The following GLO1 variants were observed in gnomAD, a reference collection of about 807,000 sequenced individuals.
The protein encoded by GLO1 is glyoxalase I.
GLO1 carries 28 observed loss-of-function variants against 26.0 expected under a neutral mutation model. The observed-to-expected ratio is 1.08, with a 90% CI of 0.80 to 1.48. GLO1 has a LOEUF of 1.48. Ranked by LOEUF, GLO1 falls within the 40% of genes most tolerant of loss-of-function variation. The probability of loss-of-function intolerance (pLI) is 0.00; values close to 1 mark genes in which losing one functional copy is unlikely to be tolerated. For synonymous variants in GLO1, 78 were observed against 77.6 expected (o/e 1.00, Z -0.03); for missense variants, 225 against 224.8 (o/e 1.00, Z -0.01).
At chr6:38,678,744 C>T (rs1761316456) in intron 5 of GLO1, among the ~76,000 whole-genome samples, 1 of 152,190 alleles carries the variant, frequency 6.6e-6, no homozygotes, top group African/African-American at 2.4e-5. Flanking sequence ...TCTCTCCACG[C>T]CCAGGGCTAG....
chr6:38,701,162 G>A (rs77561983), intron 1 of GLO1, among the ~76,000 whole-genome samples: 1 of 147,686 alleles, frequency 6.8e-6, no homozygotes, highest in Non-Finnish European at 1.5e-5. Context: ...ACAGGGTGGA[G>A]GTTGGAAGTG....
chr6:38,688,852 A>C (rs1001285679), intron 1 of GLO1, among the ~76,000 whole-genome samples: 1 of 152,258 alleles, frequency 6.6e-6, no homozygotes, highest in Non-Finnish European at 1.5e-5. Flanking sequence ...AGTGGACTTT[A>C]AAATGGGATT....
In GLO1 at chr6:38,682,055, C is replaced by G. The variant is rs763406721; in HGVS notation, c.423G>C (p.Arg141Ser). ...AVPDVYSACK[R>S]FEELGVKFVK... ...CAAATTTGACTCCCAGTTCTTCAAA[C>G]CTTTTACAAGCACTGTATACATCAG... The change falls in exon 5 of 6, where the codon AGG (arginine) becomes AGC (serine). Residue 141 changes from arginine to serine, a missense_variant. Physicochemically the swap from Arg to Ser is moderately radical, Grantham distance 110. Coordinates refer to ENST00000373365, the MANE Select transcript of GLO1 (RefSeq NM_006708.3). 1 of 1,598,416 alleles carries G rather than the reference C, an allele frequency of 6.3e-7. No homozygotes were observed. Among genetic ancestry groups the G allele is most frequent in the Non-Finnish European group, 8.6e-7 (1 of 1,165,746 alleles).
intron 1 of GLO1, 169 bp from the exon 2 acceptor site, chr6:38,687,143 A>G: frequency 3.1e-6 from 3 of 981,554 alleles, no homozygotes; most frequent in Non-Finnish European, 3.6e-6. Context: ...GTGTGATGCA[A>G]GTCCAAAGTG....
At chr6:38,683,780 G>T (rs1021646810) in intron 3 of GLO1, among the ~76,000 whole-genome samples, 5 of 149,518 alleles carry the variant, frequency 3.3e-5, no homozygotes, top group African/African-American at 1.3e-4. Flanking sequence ...CCAGCTACTT[G>T]GGAGGCTGAG....
intron 1 of GLO1, among the ~76,000 whole-genome samples, chr6:38,695,671 G>A (rs991301299): frequency 6.6e-6 from 1 of 152,088 alleles, no homozygotes; most frequent in African/African-American, 2.4e-5. Flanking sequence ...ACATCTGGTT[G>A]GGTGAAAATC....
intron 1 of GLO1, among the ~76,000 whole-genome samples, chr6:38,688,488 A>C (rs1761486669): frequency 6.6e-6 from 1 of 152,232 alleles, no homozygotes; most frequent in Admixed American, 6.5e-5. Context: ...ACATTAAAAC[A>C]AGGCACTATG....
chr6:38,699,123 C>G (rs1761654945), intron 1 of GLO1, among the ~76,000 whole-genome samples: 1 of 152,130 alleles, frequency 6.6e-6, no homozygotes, highest in Non-Finnish European at 1.5e-5. Flanking sequence ...CAGTACCTGC[C>G]CTGCATTGCA....
At chr6:38,692,966 C>T (rs969109757) in intron 1 of GLO1, among the ~76,000 whole-genome samples, 4 of 151,378 alleles carry the variant, frequency 2.6e-5, no homozygotes, top group African/African-American at 9.7e-5. Flanking sequence ...CATTTATATT[C>T]ATTGGAGATA....
chr6:38,694,633 G>A (rs940520810), intron 1 of GLO1, among the ~76,000 whole-genome samples: 5 of 151,820 alleles, frequency 3.3e-5, no homozygotes, highest in East Asian at 3.9e-4. Flanking sequence ...GAGCTGAGAC[G>A]GCACCACTGC....
chr6:38,699,615 G>T (rs536726988), intron 1 of GLO1, among the ~76,000 whole-genome samples: 1 of 152,134 alleles, frequency 6.6e-6, no homozygotes, highest in Admixed American at 6.5e-5. Context: ...GGAAAGGAAC[G>T]CATTCCTGGG....
intron 1 of GLO1, among the ~76,000 whole-genome samples, chr6:38,687,920 C>T (rs1435933299): frequency 6.6e-6 from 1 of 151,606 alleles, no homozygotes; most frequent in Admixed American, 6.6e-5. Flanking sequence ...CTGTTAAACC[C>T]ATGGCTTGAC....
In GLO1 at chr6:38,702,887, G is replaced by A. The variant is rs1486863552; in HGVS notation, c.84+84C>T. On this transcript the variant is annotated intron_variant, in intron 1 of 5. Coordinates refer to ENST00000373365, the MANE Select transcript of GLO1 (RefSeq NM_006708.3). Reference sequence around the variant, plus strand: ...GCCCGAGGCCGGCGGACCTGCAGCGGCGGCGGGATGGGGTTGGATAGAATG... The same window carrying A: ...GCCCGAGGCCGGCGGACCTGCAGCGACGGCGGGATGGGGTTGGATAGAATG... The A allele has an allele frequency of 5.3e-6, 4 of 752,496 alleles. No homozygotes were observed. The Admixed American group carries it at 1.0e-4, about 19-fold the overall frequency. The allele number at this position is 752,496 out of a possible 1,614,324, so 46.6% of individuals were successfully genotyped here. A position where few individuals can be genotyped will look rare whatever the true frequency, so the allele number is the denominator to read the frequency against.
intron 5 of GLO1, among the ~76,000 whole-genome samples, chr6:38,680,516 C>T (rs936672270): frequency 6.6e-5 from 10 of 152,116 alleles, no homozygotes; most frequent in East Asian, 5.8e-4. Context: ...AGCGAAACTC[C>T]GTCTCAAAAA....
chr6:38,682,622 C>T (rs116750397), intron 4 of GLO1, among the ~76,000 whole-genome samples, 186 bp downstream of exon 4: 31 of 151,784 alleles, frequency 2.0e-4, no homozygotes, highest in Middle Eastern at 3.4e-3. Flanking sequence ...AATTTTAGAT[C>T]GAGACTCTGA....
At chr6:38,685,169 G>T (rs1427212372) in intron 2 of GLO1, among the ~76,000 whole-genome samples, 2 of 152,204 alleles carry the variant, frequency 1.3e-5, no homozygotes, top group East Asian at 3.8e-4. Context: ...CTGTACTGGG[G>T]AGAGAGAATG....
intron 3 of GLO1, 58 bp downstream of exon 3, chr6:38,684,316 T>C (rs1761430621): frequency 2.2e-6 from 2 of 925,232 alleles, no homozygotes; most frequent in Admixed American, 8.2e-5. Context: ...CAAAAAAGAT[T>C]TTTAAAAACT....
intron 4 of GLO1, 135 bp downstream of exon 4, chr6:38,682,673 A>G: frequency 2.1e-6 from 1 of 475,944 alleles, no homozygotes; most frequent in Non-Finnish European, 3.7e-6. Flanking sequence ...TGGAAAATAA[A>G]AATAATCATA....
At position 38,686,767 on chromosome 6, in the gene GLO1, C is replaced by T. The variant is rs1403736939; in HGVS notation, c.167+125G>A. On this transcript the variant is annotated intron_variant, in intron 2 of 5. Coordinates refer to ENST00000373365, the MANE Select transcript of GLO1 (RefSeq NM_006708.3). Reference sequence around the variant, plus strand: ...AGCCCTGTCCAGCCAGGCCTAATCACAGACTCCTGGCCAAAAGAACTTCTG... The same window carrying T: ...AGCCCTGTCCAGCCAGGCCTAATCATAGACTCCTGGCCAAAAGAACTTCTG... 4 of 596,668 alleles carry T rather than the reference C, an allele frequency of 6.7e-6. No individual in the cohort carries two copies. In the African/African-American group the frequency reaches 7.7e-5, roughly 11 times the overall value. The allele number at this position is 596,668 out of a possible 1,614,324, so 37.0% of individuals were successfully genotyped here. A position where few individuals can be genotyped will look rare whatever the true frequency, so the allele number is the denominator to read the frequency against.
Sources: allele counts gnomAD v4.1 joint callset (sites outside exome capture counted in the v4.1 genomes callset), GRCh38; gene constraint gnomAD v4.1.1; transcripts MANE v1.5; gene names NCBI Gene and HGNC (gene_info 2026-07-23, HGNC 2026-07-21).